The following CNTNAP5 variants were observed in gnomAD, a reference collection of about 807,000 sequenced individuals.
CNTNAP5 encodes contactin associated protein family member 5.
CNTNAP5 carries 72 observed loss-of-function variants against 150.2 expected under a neutral mutation model. That is an observed-to-expected ratio of 0.48 (90% CI 0.40 to 0.58). CNTNAP5 has a LOEUF of 0.58. CNTNAP5 is among the 20% of genes least tolerant of loss of function. CNTNAP5 has a pLI of 0.00. For missense variants in CNTNAP5, 1,636 were observed against 1,626.2 expected (o/e 1.01, Z -0.10); for synonymous variants, 672 against 619.8 (o/e 1.08, Z -1.25).
chr2:124,131,237 TC>T (rs1683835903), intron 1 of CNTNAP5, among the ~76,000 whole-genome samples: 1 of 152,196 alleles, frequency 6.6e-6, no homozygotes, highest in African/African-American at 2.4e-5. Flanking sequence ...GTGAAGATTA[TC>T]TCTGCCTTAG....
intron 12 of CNTNAP5, among the ~76,000 whole-genome samples, chr2:124,628,330 A>G (rs115139657): frequency 8.3e-4 from 127 of 152,296 alleles, no homozygotes; most frequent in African/African-American, 3.0e-3. Flanking sequence ...GCCAAATCAC[A>G]TACAAAAGGA....
chr2:124,873,941 A>G, intron 21 of CNTNAP5, among the ~76,000 whole-genome samples: 1 of 152,096 alleles, frequency 6.6e-6, no homozygotes, highest in Non-Finnish European at 1.5e-5. Flanking sequence ...TGAGAAAGGA[A>G]AAATTCCTTA....
intron 3 of CNTNAP5, among the ~76,000 whole-genome samples, chr2:124,311,870 T>TA: frequency 6.6e-6 from 1 of 152,230 alleles, no homozygotes; most frequent in Non-Finnish European, 1.5e-5. Context: ...GGCAGACACT[T>TA]AAAAAAATTA....
intron 13 of CNTNAP5, among the ~76,000 whole-genome samples, chr2:124,733,768 T>C (rs1680323862): frequency 6.6e-6 from 1 of 152,152 alleles, no homozygotes; most frequent in African/African-American, 2.4e-5. Flanking sequence ...GAAAACTAGT[T>C]GAGTGCATGT....
At chr2:124,302,179 A>G (rs1468570629) in intron 3 of CNTNAP5, among the ~76,000 whole-genome samples, 1 of 152,244 alleles carries the variant, frequency 6.6e-6, no homozygotes, top group Non-Finnish European at 1.5e-5. Flanking sequence ...ACAAACTTCT[A>G]TTGTTTAAGC....
intron 21 of CNTNAP5, among the ~76,000 whole-genome samples, chr2:124,891,449 A>T (rs929413663): frequency 6.6e-6 from 1 of 152,160 alleles, no homozygotes; most frequent in Admixed American, 6.6e-5. Context: ...CCCATCGCTC[A>T]GTGAAGGGCG....
rs1399512654 is a variant in CNTNAP5 at position 124,789,966 on chromosome 2, G to A, written c.2817G>A (p.Gln939=). 1 of 1,613,934 alleles carries A rather than the reference G, an allele frequency of 6.2e-7. No individual in the cohort carries two copies. Among genetic ancestry groups the A allele is most frequent in the Admixed American group, 1.7e-5 (1 of 60,030 alleles). ...TTCGCTCCTTACACTTGAATGGACA[G>A]AAAATGGACCTGGAAGAGAGGGCAA... is the stretch of plus-strand genomic sequence containing the variant. ...GCIRSLHLNG[Q]KMDLEERAKV... is the part of the protein sequence containing the mutation. Residue 939 remains glutamine, a synonymous_variant, in exon 18 of 24, where the codon CAG becomes CAA. Transcript: ENST00000682447.
intron 3 of CNTNAP5, among the ~76,000 whole-genome samples, chr2:124,319,769 T>C (rs1689054790): frequency 6.6e-6 from 1 of 152,022 alleles, no homozygotes; most frequent in African/African-American, 2.4e-5. Flanking sequence ...CCCTATACTG[T>C]GACAATCAAA....
At chr2:124,044,450 A>G (rs954375108) in intron 1 of CNTNAP5, among the ~76,000 whole-genome samples, 3 of 152,206 alleles carry the variant, frequency 2.0e-5, no homozygotes, top group Non-Finnish European at 4.4e-5. Flanking sequence ...TATCATTCTA[A>G]TTAATTGGGG....
intron 19 of CNTNAP5, among the ~76,000 whole-genome samples, chr2:124,828,149 G>T (rs111302514): frequency 0.015 from 2,317 of 152,178 alleles, 53 homozygotes; most frequent in African/African-American, 0.053. Context: ...TTTTTCAAAG[G>T]TTGTAAAGTT....
chr2:124,834,318 C>A (rs1355515811), intron 19 of CNTNAP5, among the ~76,000 whole-genome samples: 4 of 152,108 alleles, frequency 2.6e-5, no homozygotes, highest in African/African-American at 9.7e-5. Context: ...CTTACATATG[C>A]ACAAATGATA....
At chr2:124,670,560 A>G (rs1241412419) in intron 13 of CNTNAP5, among the ~76,000 whole-genome samples, 1 of 151,752 alleles carries the variant, frequency 6.6e-6, no homozygotes, top group Admixed American at 6.6e-5. Flanking sequence ...TCTAATTTTG[A>G]TGAAGCCCAA....
At chr2:124,348,326 T>C (rs1424382135) in intron 3 of CNTNAP5, among the ~76,000 whole-genome samples, 4 of 152,182 alleles carry the variant, frequency 2.6e-5, no homozygotes, top group African/African-American at 9.7e-5. Flanking sequence ...CATTTCTTGC[T>C]TAATTGCTCT....
intron 19 of CNTNAP5, among the ~76,000 whole-genome samples, chr2:124,833,802 T>C (rs1224604039): frequency 6.6e-6 from 1 of 152,058 alleles, no homozygotes; most frequent in Non-Finnish European, 1.5e-5. Flanking sequence ...CTGTCTTATG[T>C]GTAGGAAAAG....
intron 7 of CNTNAP5, among the ~76,000 whole-genome samples, chr2:124,496,794 T>C (rs1694159837): frequency 6.6e-6 from 1 of 152,176 alleles, no homozygotes; most frequent in Non-Finnish European, 1.5e-5. Context: ...GGAGTCTCAA[T>C]GGGAGCAGAC....
Position 124,381,181 on chromosome 2 carries a change from T to A in CNTNAP5, c.382-36262T>A, listed in dbSNP as rs1036603782. ...CTGGGTGGCTGGGGGCAAGTGCACA[T>A]GGCAAAGAGAATAGTGGAGTAAAGT... is the stretch of plus-strand genomic sequence containing the variant. On this transcript the variant is annotated intron_variant, in intron 3 of 23. Transcript: ENST00000682447. Among the ~76,000 whole-genome samples, 6 of 152,250 alleles carry A rather than the reference T, an allele frequency of 3.9e-5. No homozygotes were observed. In the South Asian group the frequency reaches 1.2e-3, roughly 32 times the overall value.
At chr2:124,384,759 G>T (rs542794698) in intron 3 of CNTNAP5, among the ~76,000 whole-genome samples, 1 of 152,094 alleles carries the variant, frequency 6.6e-6, no homozygotes, top group African/African-American at 2.4e-5. Context: ...TTGTCCCTCC[G>T]CTTTGTTCTT....
chr2:124,755,169 G>C lies in CNTNAP5; in HGVS notation c.2234+7784G>C, dbSNP rs138456933. Among the ~76,000 whole-genome samples the C allele has an allele frequency of 4.4e-3, 666 of 151,546 alleles. 1 individual carries two copies. Among genetic ancestry groups the C allele is most frequent in the Non-Finnish European group, 7.4e-3 (504 of 67,926 alleles). ...AACAGCCTATCATCCATGAGTTCTG[G>C]AAAACAAAACATAGCTATGAAATAC... On this transcript the variant is annotated intron_variant, in intron 14 of 23. Transcript: ENST00000682447.
chr2:124,634,132 C>G (rs1677923726), intron 12 of CNTNAP5, among the ~76,000 whole-genome samples: 1 of 152,188 alleles, frequency 6.6e-6, no homozygotes, highest in Non-Finnish European at 1.5e-5. Flanking sequence ...CTGCAGCCAG[C>G]TTGAATGCTT....
Sources: allele counts gnomAD v4.1 joint callset (sites outside exome capture counted in the v4.1 genomes callset), GRCh38; gene constraint gnomAD v4.1.1; transcripts MANE v1.5; gene names NCBI Gene and HGNC (gene_info 2026-07-23, HGNC 2026-07-21).